Variants in SORCS1 observed in about 807,000 individuals in gnomAD.
SORCS1 encodes the protein VPS10 domain-containing receptor SorCS1.
Under a neutral mutation model 146.1 loss-of-function variants are expected in SORCS1, and 60 were observed. The ratio of observed to expected loss-of-function variants is 0.41; its 90% CI spans 0.33 to 0.51. The LOEUF (loss-of-function observed/expected upper bound fraction) is 0.51. SORCS1 is among the 20% of genes least tolerant of loss of function. The probability of loss-of-function intolerance (pLI) is 0.21; values close to 1 mark genes in which losing one functional copy is unlikely to be tolerated. For missense variants in SORCS1, 1,352 were observed against 1,487.6 expected (o/e 0.91, Z 1.50); for synonymous variants, 637 against 584.0 (o/e 1.09, Z -1.31).
intron 4 of SORCS1, among the ~76,000 whole-genome samples, chr10:106,770,986 C>T (rs1240262607): frequency 6.6e-6 from 1 of 152,210 alleles, no homozygotes. Context: ...GGCAGCAGGC[C>T]CTTCTCTGGA....
chr10:106,830,594 A>ATTT (rs1564708827), intron 2 of SORCS1, among the ~76,000 whole-genome samples: 351 of 147,854 alleles, frequency 2.4e-3, no homozygotes, highest in African/African-American at 7.1e-3. Flanking sequence ...TTTTTTTTTA[A>ATTT]AAAAATTTAA....
At chr10:106,818,752 C>T (rs533759159) in intron 3 of SORCS1, among the ~76,000 whole-genome samples, 2 of 152,164 alleles carry the variant, frequency 1.3e-5, no homozygotes, top group Admixed American at 6.5e-5. Flanking sequence ...CTGAAAACTA[C>T]GTCAAGATAT....
the SORCS1 span, among the ~76,000 whole-genome samples, chr10:107,176,978 G>T: frequency 3.9e-5 from 6 of 151,952 alleles, no homozygotes; most frequent in African/African-American, 1.4e-4. Flanking sequence ...ATATGTGTGT[G>T]TTTCTCCTTG....
At chr10:106,972,536 T>C (rs547133442) in intron 1 of SORCS1, among the ~76,000 whole-genome samples, 4 of 151,858 alleles carry the variant, frequency 2.6e-5, no homozygotes, top group East Asian at 1.9e-4. Flanking sequence ...CTTTCTTCTT[T>C]TTTTTTTTGG....
intron 23 of SORCS1, 45 bp from the exon 24 acceptor site, chr10:106,597,495 A>G (rs1339604695): frequency 7.2e-7 from 1 of 1,398,060 alleles, no homozygotes; most frequent in East Asian, 2.3e-5. Context: ...TGTCATACTG[A>G]TTATAAACCA....
At chr10:107,130,626 C>T (rs1322430454) in intron 1 of SORCS1, among the ~76,000 whole-genome samples, 2 of 152,100 alleles carry the variant, frequency 1.3e-5, no homozygotes, top group Non-Finnish European at 2.9e-5. Flanking sequence ...TAAAGTCTTT[C>T]GACTTAGAAT....
intron 1 of SORCS1, among the ~76,000 whole-genome samples, chr10:107,084,328 C>G (rs2134260907): frequency 6.7e-6 from 1 of 149,318 alleles, no homozygotes; most frequent in African/African-American, 2.5e-5. Flanking sequence ...TGGTCTCCAT[C>G]TGCTGACCTC....
At chr10:106,615,369 C>T (rs755427159) in intron 21 of SORCS1, among the ~76,000 whole-genome samples, 4 of 152,316 alleles carry the variant, frequency 2.6e-5, no homozygotes, top group African/African-American at 4.8e-5. Flanking sequence ...TGGAAACCCA[C>T]GTGCTTCCTA....
chr10:106,645,153 T>G (rs1415537421), intron 18 of SORCS1, among the ~76,000 whole-genome samples: 1 of 138,880 alleles, frequency 7.2e-6, no homozygotes, highest in African/African-American at 2.7e-5. Flanking sequence ...TTTTTTTTTT[T>G]GAGAGGGTGT....
At chr10:106,981,094 G>C (rs986592875) in intron 1 of SORCS1, among the ~76,000 whole-genome samples, 1 of 152,134 alleles carries the variant, frequency 6.6e-6, no homozygotes, top group Non-Finnish European at 1.5e-5. Flanking sequence ...GACTCAGAAA[G>C]TCTATTTTCC....
intron 14 of SORCS1, among the ~76,000 whole-genome samples, chr10:106,673,503 A>G (rs2135495464): frequency 6.6e-6 from 1 of 152,332 alleles, no homozygotes; most frequent in South Asian, 2.1e-4. Context: ...TAACATTGCA[A>G]AAACAAAATC....
chr10:106,856,859 G>A (rs972334425), intron 2 of SORCS1, among the ~76,000 whole-genome samples: 2 of 152,198 alleles, frequency 1.3e-5, no homozygotes, highest in African/African-American at 4.8e-5. Flanking sequence ...ATTGTGATTT[G>A]CTGTGTCTGA....
chr10:106,620,137 A>C, intron 20 of SORCS1: 1 of 238,222 alleles, frequency 4.2e-6, no homozygotes, highest in Non-Finnish European at 8.1e-6. Context: ...ATAGAGTTTA[A>C]TTTCTCTGCT....
In SORCS1 at chr10:107,060,279, A is replaced by T. The variant is rs572723911; in HGVS notation, c.558+103690T>A. On this transcript the variant is annotated intron_variant, in intron 1 of 25. Coordinates refer to ENST00000263054, the MANE Select transcript of SORCS1 (RefSeq NM_052918.5). The surrounding 1 kb of genome is among the most constrained non-coding windows in gnomAD (Gnocchi z 4.1). The stretch of plus-strand genomic sequence containing the variant: ...TCTGATTTTCAATCATTTATAACAC[A>T]TCCAATAATCTGTTTTCCCCTCATC... Among the ~76,000 whole-genome samples the T allele has an allele frequency of 1.3e-5, 2 of 152,328 alleles. No individual in the cohort carries two copies. The highest frequency in any genetic ancestry group is 4.1e-4 in the South Asian group (2 of 4,824).
chr10:106,955,008 A>AACGGG lies in SORCS1; in HGVS notation c.626+1500_626+1504dup, dbSNP rs1377220276. On this transcript the variant is annotated intron_variant, in intron 2 of 25. Transcript: ENST00000263054. ...TTGGCGCCAGGCAGCTGCCCCACAC[A>AACGGG]ACGGGAAGTAGCAGTGGCGCTGGGC... 2.6e-5 allele frequency among the ~76,000 whole-genome samples: 4 copies of AACGGG among 152,216 alleles called. No homozygotes were observed. The East Asian group carries it at 7.7e-4, about 29-fold the overall frequency.
At chr10:106,976,343 T>TGTTTTTTTTTTG (rs1354516832) in intron 1 of SORCS1, among the ~76,000 whole-genome samples, 2 of 36,038 alleles carry the variant, frequency 5.5e-5, no homozygotes, top group East Asian at 9.7e-4. Context: ...GTTTTTTTTT[T>TGTTTTTTTTTTG]TTTTTTGAGA....
intron 18 of SORCS1, among the ~76,000 whole-genome samples, chr10:106,648,197 A>C (rs1294046515): frequency 7.1e-6 from 1 of 140,628 alleles, no homozygotes; most frequent in Admixed American, 6.8e-5. Context: ...CAACTGTATT[A>C]TATTCTTTTT....
Position 106,776,800 on chromosome 10 carries a change from A to C in SORCS1, c.727-108T>G, listed in dbSNP as rs889446185. 4.1e-6 allele frequency: 5 copies of C among 1,228,554 alleles called. No individual in the cohort carries two copies. The African/African-American group carries it at 6.1e-5, about 15-fold the overall frequency. The allele number at this position is 1,228,554 out of a possible 1,614,324, so 76.1% of individuals were successfully genotyped here. On this transcript the variant is annotated intron_variant, in intron 3 of 25. Coordinates refer to ENST00000263054, the MANE Select transcript of SORCS1 (RefSeq NM_052918.5). ...GACAAGGGAAGGACAGGGGCAGGCA[A>C]AGAATGCTTGGCCAAACAGGGACCT... is the stretch of plus-strand genomic sequence containing the variant.
chr10:106,715,855 C>T (rs986827020), intron 6 of SORCS1, among the ~76,000 whole-genome samples: 8 of 152,096 alleles, frequency 5.3e-5, no homozygotes, highest in African/African-American at 1.9e-4. Context: ...CGAGTTCAAA[C>T]AATTCTCCTG....
Sources: allele counts gnomAD v4.1 joint callset (sites outside exome capture counted in the v4.1 genomes callset), GRCh38; gene constraint gnomAD v4.1.1; non-coding constraint Gnocchi (gnomAD v3.1); transcripts MANE v1.5; gene names NCBI Gene and HGNC (gene_info 2026-07-23, HGNC 2026-07-21).